The following HIRA variants were observed in gnomAD, a reference collection of about 807,000 sequenced individuals.
HIRA encodes the protein histone cell cycle regulator.
In HIRA, 13 loss-of-function variants were observed where a neutral mutation model predicts 126.6. That is an observed-to-expected ratio of 0.10 (90% CI 0.07 to 0.16). The LOEUF (loss-of-function observed/expected upper bound fraction) is 0.16. HIRA is among the 10% of genes least tolerant of loss of function. The pLI, the probability that HIRA is intolerant of heterozygous loss-of-function variation, is 1.00. For synonymous variants in HIRA, 511 were observed against 520.0 expected (o/e 0.98, Z 0.24); for missense variants, 834 against 1,314.4 (o/e 0.63, Z 5.65).
intron 11 of HIRA, among the ~76,000 whole-genome samples, chr22:19,387,066 G>A (rs1036453909): frequency 1.3e-5 from 2 of 152,180 alleles, no homozygotes; most frequent in African/African-American, 4.8e-5. Context: ...GCCTCTGGTA[G>A]GTGAAGCAGG....
In HIRA at chr22:19,356,934, G is replaced by A; in HGVS notation, c.2352C>T (p.Gly784=). Residue 784 remains glycine (G), a synonymous_variant, in exon 19 of 25, where the codon GGC becomes GGT. Transcript: ENST00000263208. Reference sequence around the variant, plus strand: ...CAGCGGTGAGCGCCATGACGTAGGAGCCTGTGCAATGCAAAGTAGAGATCG... The same window carrying A: ...CAGCGGTGAGCGCCATGACGTAGGAACCTGTGCAATGCAAAGTAGAGATCG... The part of the protein sequence containing the change: ...PSPISTLHCT[G]SYVMALTAAA... 6.2e-7 allele frequency: 1 copy of A among 1,613,988 alleles called. No individual in the cohort carries two copies.
At chr22:19,359,234 G>A in intron 18 of HIRA, 102 bp downstream of exon 18, 1 of 1,238,136 alleles carries the variant, frequency 8.1e-7, no homozygotes, top group Non-Finnish European at 1.1e-6. Context: ...GTGGGAGCTG[G>A]TGCTCCCAGG....
At chr22:19,335,893 G>C (rs1250839797) in intron 24 of HIRA, among the ~76,000 whole-genome samples, 7 of 152,216 alleles carry the variant, frequency 4.6e-5, no homozygotes, top group African/African-American at 1.7e-4. Context: ...TTTGATTAGA[G>C]AGGCATTGAG....
intron 24 of HIRA, among the ~76,000 whole-genome samples, chr22:19,337,142 G>T (rs1281555391): frequency 6.6e-6 from 1 of 151,798 alleles, no homozygotes; most frequent in Non-Finnish European, 1.5e-5. Context: ...TGTTGTCCAG[G>T]CTGGAGTGCA....
intron 24 of HIRA, among the ~76,000 whole-genome samples, chr22:19,332,476 T>C (rs2088501423): frequency 6.6e-6 from 1 of 152,198 alleles, no homozygotes; most frequent in South Asian, 2.1e-4. Flanking sequence ...TTGCAAAGGC[T>C]GAAATGTTTA....
intron 20 of HIRA, 95 bp downstream of exon 20, chr22:19,356,135 G>A: frequency 8.3e-7 from 1 of 1,208,828 alleles, no homozygotes; most frequent in South Asian, 1.2e-5. Context: ...CCTGGGCTGA[G>A]GCCAGAGCCT....
At chr22:19,424,613 G>A (rs974480863) in intron 1 of HIRA, among the ~76,000 whole-genome samples, 1 of 152,162 alleles carries the variant, frequency 6.6e-6, no homozygotes, top group Non-Finnish European at 1.5e-5. Flanking sequence ...TCTCCAGGAC[G>A]GAGTGGCCAG....
chr22:19,425,913 A>C (rs1474484282), intron 1 of HIRA, among the ~76,000 whole-genome samples: 3 of 152,206 alleles, frequency 2.0e-5, no homozygotes, highest in African/African-American at 7.2e-5. Context: ...CGGGAGGCTG[A>C]GGTAGGAGAA....
chr22:19,361,133 GAAACCAA>G, intron 17 of HIRA, 97 bp downstream of exon 17: 1 of 907,820 alleles, frequency 1.1e-6, no homozygotes. Flanking sequence ...AGAGCCACTG[GAAACCAA>G]TCTCCAAGGA....
chr22:19,413,813 T>C (rs2089373662), intron 1 of HIRA, among the ~76,000 whole-genome samples: 1 of 152,008 alleles, frequency 6.6e-6, no homozygotes, highest in Non-Finnish European at 1.5e-5. Flanking sequence ...GGTTTCACCA[T>C]GTTAGCCAGG....
intron 1 of HIRA, among the ~76,000 whole-genome samples, chr22:19,411,263 TGCCATCTCA>T (rs2089350017): frequency 6.6e-6 from 1 of 152,264 alleles, no homozygotes; most frequent in East Asian, 1.9e-4. Context: ...CCATACCGTC[TGCCATCTCA>T]GCATCTCCTC....
At chr22:19,381,327 T>C (rs2089071465) in intron 13 of HIRA, among the ~76,000 whole-genome samples, 1 of 152,244 alleles carries the variant, frequency 6.6e-6, no homozygotes, top group African/African-American at 2.4e-5. Flanking sequence ...CCTTTCCAAT[T>C]TGTTCTTTCC....
At chr22:19,367,764 T>C (rs1389674812) in intron 15 of HIRA, among the ~76,000 whole-genome samples, 1 of 152,212 alleles carries the variant, frequency 6.6e-6, no homozygotes. Context: ...AAGTAGTACT[T>C]GGCATGTAGC....
At chr22:19,395,028 G>A (rs2089211589) in intron 7 of HIRA, among the ~76,000 whole-genome samples, 1 of 152,188 alleles carries the variant, frequency 6.6e-6, no homozygotes, top group Non-Finnish European at 1.5e-5. Flanking sequence ...CCCAAAGGGT[G>A]GTGAGGATAC....
rs754244565 is a variant in HIRA at position 19,396,853 on chromosome 22, G to A, written c.588C>T (p.Arg196=). ...CCAGCGTCCTCCACACCTTTAGGCTGCGGTCATCAGCTTGAGAAGCTATGT... is the reference window on the plus strand; with the variant it reads ...CCAGCGTCCTCCACACCTTTAGGCTACGGTCATCAGCTTGAGAAGCTATGT... ...GKYIASQADD[R]SLKVWRTLDW... is the part of the protein sequence containing the mutation. The change falls in exon 7 of 25, where the codon CGC becomes CGT. Residue 196 remains arginine (R), a synonymous_variant. Coordinates refer to ENST00000263208, the MANE Select transcript of HIRA (RefSeq NM_003325.4). The A allele has an allele frequency of 6.2e-7, 1 of 1,614,214 alleles. No individual in the cohort carries two copies. The highest frequency in any genetic ancestry group is 1.1e-5 in the South Asian group (1 of 91,088).
At chr22:19,346,044 C>T (rs1165536928) in intron 24 of HIRA, among the ~76,000 whole-genome samples, 2 of 152,046 alleles carry the variant, frequency 1.3e-5, no homozygotes, top group Non-Finnish European at 2.9e-5. Flanking sequence ...ATAGATAGTT[C>T]AAAAAAGGGA....
intron 15 of HIRA, among the ~76,000 whole-genome samples, chr22:19,364,258 G>A (rs1373421545): frequency 1.3e-5 from 2 of 152,082 alleles, no homozygotes; most frequent in East Asian, 3.9e-4. Context: ...ATCAGAGACA[G>A]TAAAGTTATC....
chr22:19,425,942 T>C (rs750160057), intron 1 of HIRA, among the ~76,000 whole-genome samples: 2 of 151,886 alleles, frequency 1.3e-5, no homozygotes, highest in Non-Finnish European at 2.9e-5. Context: ...ACCCGGGAGG[T>C]GGAGGTTGCA....
chr22:19,375,595 T>C (rs761174885), intron 15 of HIRA, 36 bp downstream of exon 15: 1 of 1,610,336 alleles, frequency 6.2e-7, no homozygotes, highest in Non-Finnish European at 8.5e-7. Context: ...GCCTGCACCC[T>C]GCCTGGTCCT....
Sources: allele counts gnomAD v4.1 joint callset (sites outside exome capture counted in the v4.1 genomes callset), GRCh38; gene constraint gnomAD v4.1.1; transcripts MANE v1.5; gene names NCBI Gene and HGNC (gene_info 2026-07-23, HGNC 2026-07-21).